NLRC5: variants seen among roughly 807,000 people sequenced by gnomAD.
NLRC5 encodes protein NLRC5.
In NLRC5, 114 loss-of-function variants were observed where a neutral mutation model predicts 206.9. The ratio of observed to expected loss-of-function variants is 0.55; its 90% confidence interval spans 0.47 to 0.64. The LOEUF (loss-of-function observed/expected upper bound fraction) is 0.64, where lower values mean the gene tolerates loss of function less well. NLRC5 is among the 30% of genes least tolerant of loss of function. The pLI is 0.00. For synonymous variants in NLRC5, 952 were observed against 962.8 expected (o/e 0.99, Z 0.21); for missense variants, 2,008 against 2,305.5 (o/e 0.87, Z 2.64).
At chr16:57,036,252 G>A (rs116732890) in intron 14 of NLRC5, 69 bp downstream of exon 14, 102,353 of 1,412,026 alleles carry the variant, frequency 0.072, 4,120 homozygotes, top group Middle Eastern at 0.11. Flanking sequence ...CCCCGTGTTC[G>A]TAATCAGCAG....
rs778377898 is a variant in NLRC5 at position 57,069,745 on chromosome 16, C to G, written c.4500-91C>G. Reference sequence around the variant, plus strand: ...CCTCACATTGCCCGCCACATCCCTACCCCACATCCTTGCCCTCTGCCACCA... The same window carrying G: ...CCTCACATTGCCCGCCACATCCCTAGCCCACATCCTTGCCCTCTGCCACCA... On this transcript the variant is annotated intron_variant, in intron 36 of 48. Transcript: ENST00000688547. 3 of 997,730 alleles carry G rather than the reference C, an allele frequency of 3.0e-6. No homozygotes were observed. The South Asian group carries it at 4.1e-5, about 14-fold the overall frequency. The allele number at this position is 997,730 out of a possible 1,614,324, so 61.8% of individuals were successfully genotyped here.
At position 57,025,726 on chromosome 16, in the gene NLRC5, C is replaced by A; in HGVS notation, c.783C>A (p.Phe261Leu). 5 of 1,614,226 alleles carry A rather than the reference C, an allele frequency of 3.1e-6. No homozygotes were observed. The highest frequency in any genetic ancestry group is 3.4e-6 in the Non-Finnish European group (4 of 1,180,038). Residue 261 changes from phenylalanine to leucine, a missense_variant, in exon 6 of 49, where the codon TTC becomes TTA. Phe to Leu is a conservative substitution (Grantham distance 22). Transcript: ENST00000688547. ...NCFQALFLFE[F>L]RQLNLITRFL... ...TCCAGGCCCTGTTCCTTTTTGAATTCCGCCAGCTCAACTTGATCACGAGGT... is the reference window on the plus strand; with the variant it reads ...TCCAGGCCCTGTTCCTTTTTGAATTACGCCAGCTCAACTTGATCACGAGGT...
chr16:57,070,488 G>A (rs2067514658), intron 37 of NLRC5, 47 bp from the exon 38 acceptor site: 1 of 1,544,230 alleles, frequency 6.5e-7, no homozygotes, highest in African/African-American at 1.4e-5. Context: ...TCAGCTCCAG[G>A]GCTGGGCAGG....
chr16:57,076,578 C>T lies in NLRC5; in HGVS notation c.4752-241C>T, dbSNP rs184631162. 7.0e-4 allele frequency among the ~76,000 whole-genome samples: 106 copies of T among 152,366 alleles called. 3 individuals carry two copies. The East Asian group carries it at 0.019, about 27-fold the overall frequency. ...ATTTGTTTCCACCCAGCCTGCAAGT[C>T]CCTAAGTCTCTGGCCAGTCACAGCT... On this transcript the variant is annotated intron_variant, in intron 39 of 48. Coordinates refer to ENST00000688547, the MANE Select transcript of NLRC5 (RefSeq NM_001384950.1).
chr16:57,038,901 C>T (rs2062934549), intron 15 of NLRC5, among the ~76,000 whole-genome samples: 2 of 148,290 alleles, frequency 1.3e-5, no homozygotes, highest in Non-Finnish European at 3.0e-5. Flanking sequence ...TGCCACTGCA[C>T]TCCAGCCTGG....
intron 43 of NLRC5, 76 bp downstream of exon 43, chr16:57,078,096 C>T: frequency 8.0e-7 from 1 of 1,247,586 alleles, no homozygotes; most frequent in Non-Finnish European, 1.1e-6. Flanking sequence ...GGGTCCAGGC[C>T]CCCATCAGTT....
chr16:57,043,606 T>C lies in NLRC5; in HGVS notation c.3203+2T>C. On this transcript the variant is annotated splice_donor_variant, in intron 20 of 48. Coordinates refer to ENST00000688547, the MANE Select transcript of NLRC5 (RefSeq NM_001384950.1). LOFTEE classifies it high-confidence loss of function. The stretch of plus-strand genomic sequence containing the variant: ...GTGGCTCTTCCGCTTGGACATCAGG[T>C]GAGCGTGCCTCTCCGCCCCCAGCCC... 3 of 1,612,704 alleles carry C rather than the reference T, an allele frequency of 1.9e-6. 1 individual carries two copies. Among genetic ancestry groups the C allele is most frequent in the Non-Finnish European group, 2.5e-6 (3 of 1,178,700 alleles).
intron 3 of NLRC5, chr16:57,021,249 C>G (rs2060637053): frequency 2.1e-6 from 1 of 478,816 alleles, no homozygotes; most frequent in African/African-American, 1.9e-5. Flanking sequence ...GTGACTGCTT[C>G]CAGCCACAAA....
intron 43 of NLRC5, among the ~76,000 whole-genome samples, chr16:57,078,652 G>A (rs1305700830): frequency 1.3e-5 from 2 of 151,800 alleles, no homozygotes; most frequent in African/African-American, 4.8e-5. Flanking sequence ...TGTATTTTTA[G>A]TAGAGACGGC....
At position 57,055,496 on chromosome 16, in the gene NLRC5, G is replaced by C; in HGVS notation, c.3723G>C (p.Lys1241Asn). The change falls in exon 27 of 49, where the codon AAG (lysine) becomes AAC (asparagine). Residue 1241 changes from lysine (K) to asparagine (N), a missense_variant. Transcript: ENST00000688547. ...AGTCACTCTGCTGGTTGCTGAGCAA[G>C]TGTAAAGACCTCAGCCAGGTGGAGT... ...HVESLCWLLS[K>N]CKDLSQVDLS... 1 of 1,613,884 alleles carries C rather than the reference G, an allele frequency of 6.2e-7. No individual in the cohort carries two copies. The highest frequency in any genetic ancestry group is 1.3e-5 in the African/African-American group (1 of 75,038).
intron 5 of NLRC5, among the ~76,000 whole-genome samples, chr16:57,024,480 C>T (rs1352385851): frequency 2.0e-5 from 3 of 152,306 alleles, no homozygotes; most frequent in East Asian, 1.9e-4. Context: ...GGCCTTTCCC[C>T]ATAGGGTTCC....
chr16:57,019,144 C>T (rs2060392662), intron 2 of NLRC5, among the ~76,000 whole-genome samples: 1 of 152,128 alleles, frequency 6.6e-6, no homozygotes, highest in South Asian at 2.1e-4. Flanking sequence ...CCTGTAATCC[C>T]AGCACTTTGG....
chr16:57,073,584 T>C (rs967753726), intron 38 of NLRC5, among the ~76,000 whole-genome samples: 3 of 152,196 alleles, frequency 2.0e-5, no homozygotes, highest in Non-Finnish European at 4.4e-5. Context: ...CTTTTGCTTC[T>C]GCCTCTTATT....
chr16:57,064,898 T>C (rs2066921155), intron 32 of NLRC5, among the ~76,000 whole-genome samples: 1 of 152,126 alleles, frequency 6.6e-6, no homozygotes, highest in African/African-American at 2.4e-5. Flanking sequence ...CACTCCAGTC[T>C]GGGCAACAAG....
intron 19 of NLRC5, 76 bp from the exon 20 acceptor site, chr16:57,043,439 G>T: frequency 1.3e-6 from 1 of 796,300 alleles, no homozygotes; most frequent in Non-Finnish European, 2.2e-6. Context: ...TCCCTCCCCC[G>T]CCCTGTGCCC....
chr16:56,990,359 TTTTAATAGTTATTC>T (rs1239262114), intron 1 of NLRC5, among the ~76,000 whole-genome samples: 4 of 152,228 alleles, frequency 2.6e-5, no homozygotes, highest in African/African-American at 7.2e-5. Context: ...ACTACAAACA[TTTTAATAGTTATTC>T]CTTAATGTCA....
At chr16:57,072,768 C>T (rs796163653) in intron 38 of NLRC5, among the ~76,000 whole-genome samples, 1 of 152,258 alleles carries the variant, frequency 6.6e-6, no homozygotes, top group African/African-American at 2.4e-5. Context: ...CCGGGGATGA[C>T]ACCCCCTGAG....
rs1199917220 is a variant in NLRC5 at position 57,043,511 on chromosome 16, C to G, written c.3114-4C>G. 1 of 1,613,724 alleles carries G rather than the reference C, an allele frequency of 6.2e-7. No homozygotes were observed. The highest frequency in any genetic ancestry group is 8.5e-7 in the Non-Finnish European group (1 of 1,179,718). ...CTCCATTGTGCCACCCCTGTGATCT[C>G]CAGCCTCAGTGAGAACGGTTTGTCC... On this transcript the variant is annotated splice_polypyrimidine_tract_variant and splice_region_variant and intron_variant, in intron 19 of 48. Coordinates refer to ENST00000688547, the MANE Select transcript of NLRC5 (RefSeq NM_001384950.1).
In NLRC5 at chr16:57,074,404, T is replaced by C. The variant is rs1357104533; in HGVS notation, c.4668-196T>C. 26 of 578,238 alleles carry C rather than the reference T, an allele frequency of 4.5e-5. No homozygotes were observed. The East Asian group carries it at 6.5e-4, about 14-fold the overall frequency. 35.8% of individuals were successfully genotyped at this position (578,238 alleles called of 1,614,324 possible). On this transcript the variant is annotated intron_variant, in intron 38 of 48. Transcript: ENST00000688547. Reference sequence around the variant, plus strand: ...TCAGAACATAGAACTGCTGCCTGCCTGACCTCAGTAATTCATGCAGAGAAA... The same window carrying C: ...TCAGAACATAGAACTGCTGCCTGCCCGACCTCAGTAATTCATGCAGAGAAA...
Sources: gnomAD v4.1 joint callset for allele counts (sites outside exome capture counted in the v4.1 genomes callset) on GRCh38, gnomAD v4.1.1 for gene constraint, MANE v1.5 for transcripts, NCBI Gene and HGNC (gene_info 2026-07-23, HGNC 2026-07-21) for gene names.